The following KAZN variants were observed in gnomAD, a reference collection of about 807,000 sequenced individuals.
KAZN encodes the protein kazrin.
KAZN carries 40 observed loss-of-function variants against 87.4 expected under a neutral mutation model. That is an observed-to-expected ratio of 0.46 (90% CI 0.36 to 0.60). The LOEUF (loss-of-function observed/expected upper bound fraction) is 0.60, where lower values mean the gene tolerates loss of function less well. Ranked by LOEUF, KAZN falls within the 20% of genes least tolerant of loss-of-function variation. The pLI, the probability that KAZN is intolerant of heterozygous loss-of-function variation, is 0.00. For missense variants in KAZN, 898 were observed against 1,073.9 expected (o/e 0.84, Z 2.29); for synonymous variants, 466 against 458.3 (o/e 1.02, Z -0.22).
chr1:15,014,483 T>A (rs1353622493), intron 2 of KAZN, among the ~76,000 whole-genome samples: 1 of 152,120 alleles, frequency 6.6e-6, no homozygotes, highest in Non-Finnish European at 1.5e-5. Flanking sequence ...TGTCAGACCC[T>A]CTCCAGACCT....
intron 1 of KAZN, among the ~76,000 whole-genome samples, chr1:14,024,954 T>C (rs538184667): frequency 4.6e-5 from 7 of 152,306 alleles, no homozygotes; most frequent in African/African-American, 1.7e-4. Context: ...AGGAACAGTA[T>C]TAGAAAGTAT....
At chr1:15,000,062 T>C (rs1396419587) in intron 2 of KAZN, among the ~76,000 whole-genome samples, 5 of 152,152 alleles carry the variant, frequency 3.3e-5, no homozygotes. Context: ...GATGGGAAGA[T>C]GATCTGGATT....
At chr1:14,347,462 C>A (rs1266670151) in intron 2 of KAZN, among the ~76,000 whole-genome samples, 1 of 152,122 alleles carries the variant, frequency 6.6e-6, no homozygotes, top group African/African-American at 2.4e-5. Flanking sequence ...TTCCAAGATC[C>A]ACCCGGGTCC....
At chr1:14,042,910 A>G (rs572974518) in intron 1 of KAZN, among the ~76,000 whole-genome samples, 3 of 152,188 alleles carry the variant, frequency 2.0e-5, no homozygotes, top group Non-Finnish European at 2.9e-5. Context: ...TAACTTAAAC[A>G]TTTTTTTCTT....
At chr1:14,958,037 C>T (rs2101752361) in intron 1 of KAZN, among the ~76,000 whole-genome samples, 1 of 152,318 alleles carries the variant, frequency 6.6e-6, no homozygotes, top group Non-Finnish European at 1.5e-5. Context: ...TTGCCACCAC[C>T]TTTTCCCAAG....
At chr1:15,080,200 G>A (rs2175774) in intron 8 of KAZN, among the ~76,000 whole-genome samples, 34,769 of 152,146 alleles carry the variant, frequency 0.23, 5,660 homozygotes, top group East Asian at 0.64. Context: ...TTTGCAAGAC[G>A]GTGGCACCAA....
chr1:14,548,116 G>A (rs751889602), intron 2 of KAZN, among the ~76,000 whole-genome samples: 8 of 151,226 alleles, frequency 5.3e-5, no homozygotes, highest in East Asian at 1.9e-4. Context: ...GTATTGGGCC[G>A]CATTCAAAGC....
rs1211327021 is a variant in KAZN at position 14,385,059 on chromosome 1, C to T, written c.249+204467C>T. ...TTTAGTCTTGGGAGAGTGTATGTGT[C>T]GAGGAATTTATCCATTTCTTCTAGA... On this transcript the variant is annotated intron_variant, in intron 2 of 16. Coordinates refer to the KAZN transcript ENST00000636203. Among the ~76,000 whole-genome samples, 476 of 151,448 alleles carry T rather than the reference C, an allele frequency of 3.1e-3. 1 individual carries two copies. The highest frequency in any genetic ancestry group is 0.011 in the African/African-American group (459 of 41,276).
At chr1:14,700,648 G>A (rs1046207191) in intron 1 of KAZN, among the ~76,000 whole-genome samples, 3 of 152,020 alleles carry the variant, frequency 2.0e-5, no homozygotes, top group African/African-American at 7.2e-5. Context: ...GCTTGAAAAT[G>A]TCAGTGGCAT....
At chr1:14,354,565 A>G (rs1268311312) in intron 2 of KAZN, among the ~76,000 whole-genome samples, 3 of 152,078 alleles carry the variant, frequency 2.0e-5, no homozygotes, top group Non-Finnish European at 4.4e-5. Flanking sequence ...TAAGGTGCTC[A>G]ACGTCAGTAG....
intron 1 of KAZN, among the ~76,000 whole-genome samples, chr1:14,744,194 A>G (rs1644197264): frequency 6.6e-6 from 1 of 152,212 alleles, no homozygotes; most frequent in Admixed American, 6.5e-5. Flanking sequence ...TAACACTAGC[A>G]GCATTAATAA....
In KAZN at chr1:14,249,721, T is replaced by C. The variant is rs529392785; in HGVS notation, c.249+69129T>C. ...TATGTATGAATTCCATACCTATGGC[T>C]GTGGCCATGGGAAAAGAGGTCCCTG... On this transcript the variant is annotated intron_variant, in intron 2 of 16. Transcript: ENST00000636203. Among the ~76,000 whole-genome samples, 3 of 152,312 alleles carry C rather than the reference T, an allele frequency of 2.0e-5. No homozygotes were observed. In the South Asian group the frequency reaches 6.2e-4, roughly 32 times the overall value.
chr1:14,074,011 G>T (rs1353654262), intron 1 of KAZN, among the ~76,000 whole-genome samples: 1 of 152,100 alleles, frequency 6.6e-6, no homozygotes, highest in Non-Finnish European at 1.5e-5. Flanking sequence ...TATTTCTGCT[G>T]GTCCAGTCCG....
intron 1 of KAZN, among the ~76,000 whole-genome samples, chr1:14,103,219 C>T (rs1379961120): frequency 6.6e-6 from 1 of 152,170 alleles, no homozygotes; most frequent in Non-Finnish European, 1.5e-5. Flanking sequence ...CTGTGCCTGG[C>T]CTGCTCTTCT....
At chr1:14,879,473 T>C (rs921747569) in intron 1 of KAZN, among the ~76,000 whole-genome samples, 1 of 152,168 alleles carries the variant, frequency 6.6e-6, no homozygotes, top group Non-Finnish European at 1.5e-5. Context: ...TCTAAGATGT[T>C]ATCAACATTA....
rs973929118 is a variant in KAZN at position 14,971,495 on chromosome 1, A to G, written c.418+10620A>G. ...CCTAATGAGTCTGTTTTCCAAACTG[A>G]TTTTCTTCATAGATATTTGGCAGGT... On this transcript the variant is annotated intron_variant, in intron 2 of 14. Transcript: ENST00000376030. Among the ~76,000 whole-genome samples the G allele has an allele frequency of 3.9e-5, 6 of 152,058 alleles. No individual in the cohort carries two copies. The East Asian group carries it at 1.2e-3, about 29-fold the overall frequency.
intron 1 of KAZN, among the ~76,000 whole-genome samples, chr1:14,092,781 T>C (rs903645349): frequency 3.7e-4 from 56 of 152,200 alleles, no homozygotes; most frequent in African/African-American, 1.3e-3. Context: ...TGAGTAGTTG[T>C]CCAACGCTAC....
chr1:14,043,942 G>C (rs1641948109), intron 1 of KAZN, among the ~76,000 whole-genome samples: 1 of 152,140 alleles, frequency 6.6e-6, no homozygotes, highest in Non-Finnish European at 1.5e-5. Context: ...TTGTTAGCTT[G>C]GACAGTTCTG....
At chr1:14,840,633 A>G (rs535086260) in intron 1 of KAZN, among the ~76,000 whole-genome samples, 219 of 152,376 alleles carry the variant, frequency 1.4e-3, no homozygotes, top group African/African-American at 5.1e-3. Context: ...AGCTGCCCTC[A>G]GAAGTCCAAC....
Sources: gnomAD v4.1 joint callset for allele counts (sites outside exome capture counted in the v4.1 genomes callset) on GRCh38, gnomAD v4.1.1 for gene constraint, MANE v1.5 for transcripts, NCBI Gene and HGNC (gene_info 2026-07-23, HGNC 2026-07-21) for gene names.